The following ATAD3A variants were observed in gnomAD, a reference collection of about 807,000 sequenced individuals.
ATAD3A encodes the protein ATPase family AAA domain-containing protein 3A.
ATAD3A carries 46 observed loss-of-function variants against 73.8 expected under a neutral mutation model. The observed-to-expected ratio is 0.62, with a 90% CI of 0.49 to 0.80. The LOEUF (loss-of-function observed/expected upper bound fraction) is 0.80, where lower values mean the gene tolerates loss of function less well. Ranked by LOEUF, ATAD3A falls within the 30% of genes least tolerant of loss-of-function variation. The pLI, the probability that ATAD3A is intolerant of heterozygous loss-of-function variation, is 0.00. For missense variants in ATAD3A, 705 were observed against 838.0 expected, an observed-to-expected ratio of 0.84 and a Z score of 1.96; for synonymous variants, 319 against 350.0, an observed-to-expected ratio of 0.91 and a Z score of 0.99.
Position 1,534,155 on chromosome 1 carries a change from T to A in ATAD3A, c.*83T>A, listed in dbSNP as rs1237713762. 6.2e-5 allele frequency: 99 copies of A among 1,604,034 alleles called. No individual in the cohort carries two copies. The highest frequency in any genetic ancestry group is 1.3e-4 in the Admixed American group (8 of 59,548). On this transcript the variant is annotated 3_prime_UTR_variant, in exon 16 of 16. Coordinates refer to ENST00000378756, the MANE Select transcript of ATAD3A (RefSeq NM_001170535.3). ...CTTGCCGGCCCCTGCACATTTAGGA[T>A]ATGCTCCTGGGTGGGGACTGGGCTG...
In ATAD3A at chr1:1,520,359, G is replaced by A. The variant is rs1641546460; in HGVS notation, c.680+53G>A. 2 of 1,600,856 alleles carry A rather than the reference G, an allele frequency of 1.2e-6. No homozygotes were observed. Among genetic ancestry groups the A allele is most frequent in the Non-Finnish European group, 1.7e-6 (2 of 1,170,912 alleles). On this transcript the variant is annotated intron_variant, in intron 6 of 15. Transcript: ENST00000378756. This position sits in a 1 kb window ranked among gnomAD's most constrained non-coding sequence, Gnocchi z 4.0. ...CACAGATGGAGCCCCGCAGGTGTGA[G>A]TCGCTGGTCCCAGGGCGCTCTCCAG...
rs1641693036 is a variant in ATAD3A, at chr1:1,523,710, G to A, written c.964-129G>A. 3.1e-6 allele frequency: 5 copies of A among 1,587,526 alleles called. No individual in the cohort carries two copies. Among genetic ancestry groups the A allele is most frequent in the Non-Finnish European group, 4.3e-6 (5 of 1,165,066 alleles). On this transcript the variant is annotated intron_variant, in intron 9 of 15. Coordinates refer to ENST00000378756, the MANE Select transcript of ATAD3A (RefSeq NM_001170535.3). This position sits in a 1 kb window ranked among gnomAD's most constrained non-coding sequence, Gnocchi z 5.1. ...GACTGCTTGGACCGTGCTGGGGATA[G>A]ATAGGCTGCCCCTGAGGTGGGAGGC... is the stretch of plus-strand genomic sequence containing the variant.
intron 7 of ATAD3A, among the ~76,000 whole-genome samples, chr1:1,521,106 G>T (rs1382483018): frequency 6.6e-6 from 1 of 151,712 alleles, no homozygotes; most frequent in Non-Finnish European, 1.5e-5. Context: ...GACCATCCTG[G>T]CTAACACGGT....
chr1:1,528,084 T>C (rs1462314946), intron 14 of ATAD3A, among the ~76,000 whole-genome samples: 1 of 151,656 alleles, frequency 6.6e-6, no homozygotes, highest in East Asian at 1.9e-4. Flanking sequence ...CTCAGCCTCC[T>C]GAGTAGCTGA....
At position 1,534,341 on chromosome 1, in the gene ATAD3A, G is replaced by A. The variant is rs185360083; in HGVS notation, c.*269G>A. 3.0e-3 allele frequency: 4,263 copies of A among 1,410,022 alleles called. 19 individuals carry two copies. Among genetic ancestry groups the A allele is most frequent in the Non-Finnish European group, 2.8e-3 (3,078 of 1,085,476 alleles). The allele number at this position is 1,410,022 out of a possible 1,614,324, so 87.3% of individuals were successfully genotyped here. A position where few individuals can be genotyped will look rare whatever the true frequency, so the allele number is the denominator to read the frequency against. On this transcript the variant is annotated 3_prime_UTR_variant, in exon 16 of 16. Transcript: ENST00000378756. The stretch of plus-strand genomic sequence containing the variant: ...GCATTTTCCGTCTGGCTCACAGGGG[G>A]AGGGTGAGGCTTTGCACCCCAGCCC...
chr1:1,518,819 C>G (rs1641481356), intron 4 of ATAD3A, 102 bp from the exon 5 acceptor site: 1 of 1,602,594 alleles, frequency 6.2e-7, no homozygotes. Flanking sequence ...CGCAAACGGG[C>G]ACACTCACCC....
At position 1,512,245 on chromosome 1, in the gene ATAD3A, G is replaced by T; in HGVS notation, c.-24G>T. 1 of 1,276,666 alleles carries T rather than the reference G, an allele frequency of 7.8e-7. No individual in the cohort carries two copies. The highest frequency in any genetic ancestry group is 9.9e-7 in the Non-Finnish European group (1 of 1,006,784). 79.1% of individuals were successfully genotyped at this position (1,276,666 alleles called of 1,614,324 possible). A position where few individuals can be genotyped will look rare whatever the true frequency, so the allele number is the denominator to read the frequency against. ...AGACTCGGGTGGGGGTCCCGGCGGC[G>T]GTAGCGGCGGCGGCGGTGCGAGCAT... On this transcript the variant is annotated 5_prime_UTR_variant, in exon 1 of 16. Coordinates refer to ENST00000378756, the MANE Select transcript of ATAD3A (RefSeq NM_001170535.3).
intron 1 of ATAD3A, among the ~76,000 whole-genome samples, chr1:1,515,348 A>G (rs575339095): frequency 1.3e-5 from 2 of 152,296 alleles, no homozygotes; most frequent in South Asian, 2.1e-4. Flanking sequence ...AAGTGCTGGG[A>G]GTACAGTAGT....
At chr1:1,529,964 A>G (rs1641981041) in intron 15 of ATAD3A, among the ~76,000 whole-genome samples, 1 of 152,264 alleles carries the variant, frequency 6.6e-6, no homozygotes, top group Non-Finnish European at 1.5e-5. Flanking sequence ...CTGGCCACGC[A>G]CAGGCATCAC....
chr1:1,523,626 G>C lies in ATAD3A; in HGVS notation c.963+59G>C. ...GGGAGGGGACCCTGGAGCTGGGCCG[G>C]GCTGTGGCCCTTGCTGGCGCTCGTG... On this transcript the variant is annotated intron_variant, in intron 9 of 15. Coordinates refer to ENST00000378756, the MANE Select transcript of ATAD3A (RefSeq NM_001170535.3). This position sits in a 1 kb window ranked among gnomAD's most constrained non-coding sequence, Gnocchi z 5.1. The C allele has an allele frequency of 1.2e-6, 2 of 1,609,252 alleles. No homozygotes were observed. The highest frequency in any genetic ancestry group is 3.4e-5 in the Admixed American group (2 of 59,656).
At chr1:1,518,404 C>A (rs1641447039) in intron 4 of ATAD3A, among the ~76,000 whole-genome samples, 2 of 142,326 alleles carry the variant, frequency 1.4e-5, no homozygotes, top group East Asian at 2.2e-4. Flanking sequence ...CATGGGCATG[C>A]CCCCCCATAG....
At position 1,523,207 on chromosome 1, in the gene ATAD3A, C is replaced by T. The variant is rs1641666837; in HGVS notation, c.907-304C>T. On this transcript the variant is annotated intron_variant, in intron 8 of 15. Transcript: ENST00000378756. This position sits in a 1 kb window ranked among gnomAD's most constrained non-coding sequence, Gnocchi z 5.1. ...CGTCTATCAGGGAAGCTGCTACAGGCCACGGCGTCTGGTGGCCTCCCTGGG... is the reference window on the plus strand; with the variant it reads ...CGTCTATCAGGGAAGCTGCTACAGGTCACGGCGTCTGGTGGCCTCCCTGGG... Among the ~76,000 whole-genome samples the T allele has an allele frequency of 6.6e-6, 1 of 152,120 alleles. No individual in the cohort carries two copies. The highest frequency in any genetic ancestry group is 2.4e-5 in the African/African-American group (1 of 41,382).
At chr1:1,519,665 C>T (rs574628335) in intron 5 of ATAD3A, among the ~76,000 whole-genome samples, 1,783 of 127,124 alleles carry the variant, frequency 0.014, 39 homozygotes, top group African/African-American at 0.051. Context: ...GAGGTGTGTG[C>T]GTTTAATGTT....
In ATAD3A at chr1:1,520,523, G is replaced by A. The variant is rs753020354; in HGVS notation, c.681-25G>A. 1.2e-6 allele frequency: 2 copies of A among 1,614,092 alleles called. No homozygotes were observed. The highest frequency in any genetic ancestry group is 1.7e-6 in the Non-Finnish European group (2 of 1,179,938). ...TGGCACGGATCTTCGTGTCCTTCCT[G>A]GTCACACCACTGCTTTCCCCGCAGG... On this transcript the variant is annotated intron_variant, in intron 6 of 15. Transcript: ENST00000378756. The surrounding 1 kb of genome is among the most constrained non-coding windows in gnomAD (Gnocchi z 4.0).
chr1:1,515,163 T>C (rs1462771335), intron 1 of ATAD3A, among the ~76,000 whole-genome samples: 4 of 152,202 alleles, frequency 2.6e-5, no homozygotes, highest in East Asian at 1.9e-4. Context: ...CTGCAGCCTC[T>C]GTCTCCGGGG....
chr1:1,519,763 T>A (rs1412076717), intron 5 of ATAD3A, among the ~76,000 whole-genome samples: 1 of 148,804 alleles, frequency 6.7e-6, no homozygotes, highest in African/African-American at 2.5e-5. Flanking sequence ...GAACTCCGCG[T>A]TCTGGTTTTT....
In ATAD3A at chr1:1,526,531, A is replaced by T. The variant is rs540739975; in HGVS notation, c.1337A>T (p.Lys446Met). 6.2e-7 allele frequency: 1 copy of T among 1,612,498 alleles called. No homozygotes were observed. Among genetic ancestry groups the T allele is most frequent in the African/African-American group, 1.3e-5 (1 of 75,020 alleles). ...FLYRTGQHSN[K>M]FMLVLASNQP... ...TACCGCACGGGCCAGCACAGCAACA[A>T]GTGAGGGAGCCCCTCGGGTCCTGGG... is the stretch of plus-strand genomic sequence containing the variant. Residue 446 changes from lysine to methionine, a missense_variant and splice_region_variant, in exon 13 of 16, where the codon AAG becomes ATG. By Grantham distance (95) the Lys-to-Met change is moderately conservative. Coordinates refer to ENST00000378756, the MANE Select transcript of ATAD3A (RefSeq NM_001170535.3).
chr1:1,513,155 C>A (rs148069363), intron 1 of ATAD3A, among the ~76,000 whole-genome samples: 1 of 152,322 alleles, frequency 6.6e-6, no homozygotes, highest in East Asian at 1.9e-4. Context: ...TGGCCTTCCT[C>A]GGTAATTTTA....
chr1:1,516,141 A>C lies in ATAD3A; in HGVS notation c.282+53A>C, dbSNP rs2478793. On this transcript the variant is annotated intron_variant, in intron 2 of 15. Transcript: ENST00000378756. The stretch of plus-strand genomic sequence containing the variant: ...GCCGGGGCGCACATGGGGTTCGGGC[A>C]TGGAGATTGGTAGGGCTACTGCCGG... 1,147 of 1,609,726 alleles carry C rather than the reference A, an allele frequency of 7.1e-4. 7 individuals carry two copies. The African/African-American group carries it at 0.011, about 16-fold the overall frequency.
Sources: gnomAD v4.1 joint callset for allele counts (sites outside exome capture counted in the v4.1 genomes callset) on GRCh38, gnomAD v4.1.1 for gene constraint, Gnocchi (gnomAD v3.1) non-coding constraint, MANE v1.5 for transcripts, NCBI Gene and HGNC (gene_info 2026-07-23, HGNC 2026-07-21) for gene names.